The following MAP3K3 variants were observed in gnomAD, a reference collection of about 807,000 sequenced individuals.
MAP3K3 encodes the protein MAP/ERK kinase kinase 3.
Under a neutral mutation model 80.9 loss-of-function variants are expected in MAP3K3, and 12 were observed. That is an observed-to-expected ratio of 0.15 (90% confidence interval 0.10 to 0.24). The LOEUF is 0.24. Among genes scored for constraint, MAP3K3 ranks in the 10% least tolerant of loss-of-function variants. The pLI is 1.00. For missense variants in MAP3K3, 596 were observed against 834.7 expected (o/e 0.71, Z 3.52); for synonymous variants, 272 against 307.1 (o/e 0.89, Z 1.19).
chr17:63,653,849 C>G (rs969099094), intron 4 of MAP3K3, among the ~76,000 whole-genome samples: 1 of 152,034 alleles, frequency 6.6e-6, no homozygotes, highest in Non-Finnish European at 1.5e-5. Context: ...CAACCAACAC[C>G]GCTATCTAAT....
In MAP3K3 at chr17:63,667,030, C is replaced by T. The variant is rs745509910; in HGVS notation, c.472C>T (p.Pro158Ser). 3 of 1,610,596 alleles carry T rather than the reference C, an allele frequency of 1.9e-6. No homozygotes were observed. The highest frequency in any genetic ancestry group is 1.7e-6 in the Non-Finnish European group (2 of 1,179,206). Reference protein sequence around the residue: ...AGDINTIYQPPEPRSRHLSVS... With the variant: ...AGDINTIYQPSEPRSRHLSVS... ...GGATATAAATACTATCTACCAGCCC[C>T]CCGAGCCCAGAAGCAGGCACCTCTC... The change falls in exon 6 of 16, where the codon CCC becomes TCC. Residue 158 changes from proline to serine, a missense_variant. Physicochemically the swap from Pro to Ser is moderately conservative, Grantham distance 74. This residue lies in a region of MAP3K3 where 232 missense variants were observed against 245.8 expected (regional missense o/e 0.94). Coordinates refer to ENST00000361733, the MANE Select transcript of MAP3K3 (RefSeq NM_002401.5).
Position 63,694,355 on chromosome 17 carries a change from A to G in MAP3K3, c.*578A>G, listed in dbSNP as rs2035651350. ...GTCCTTTACCAAAGATGAATGAAGC[A>G]AATGTCATGCTGCCTTATTCAGGGA... On this transcript the variant is annotated 3_prime_UTR_variant, in exon 16 of 16. Coordinates refer to ENST00000361733, the MANE Select transcript of MAP3K3 (RefSeq NM_002401.5). 1 of 152,688 alleles carries G rather than the reference A, an allele frequency of 6.5e-6. No homozygotes were observed. Among genetic ancestry groups the G allele is most frequent in the Non-Finnish European group, 1.5e-5 (1 of 68,078 alleles). The allele number at this position is 152,688 out of a possible 1,614,324, so 9.5% of individuals were successfully genotyped here. A position where few individuals can be genotyped will look rare whatever the true frequency, so the allele number is the denominator to read the frequency against.
At chr17:63,644,878 T>G (rs2034511134) in intron 2 of MAP3K3, among the ~76,000 whole-genome samples, 2 of 152,228 alleles carry the variant, frequency 1.3e-5, no homozygotes, top group Non-Finnish European at 2.9e-5. Context: ...TATGACTTCA[T>G]TCTCTCCTTT....
intron 2 of MAP3K3, among the ~76,000 whole-genome samples, chr17:63,644,034 ATTTT>A (rs2034495397): frequency 2.0e-5 from 3 of 152,114 alleles, no homozygotes; most frequent in Non-Finnish European, 4.4e-5. Flanking sequence ...TAACTCAGTT[ATTTT>A]CTGTAAAATA....
intron 1 of MAP3K3, among the ~76,000 whole-genome samples, chr17:63,623,980 C>T (rs1397921365): frequency 6.6e-6 from 1 of 152,154 alleles, no homozygotes; most frequent in African/African-American, 2.4e-5. Context: ...TACACCCTGG[C>T]TTTGAATGAA....
chr17:63,685,906 G>C (rs2035438822), intron 8 of MAP3K3, among the ~76,000 whole-genome samples: 1 of 152,198 alleles, frequency 6.6e-6, no homozygotes, highest in South Asian at 2.1e-4. Flanking sequence ...AACTGAGAAG[G>C]AGTGGACTGT....
intron 3 of MAP3K3, among the ~76,000 whole-genome samples, 199 bp from the exon 4 acceptor site, chr17:63,652,358 C>T (rs1194662486): frequency 6.6e-6 from 1 of 151,884 alleles, no homozygotes; most frequent in Non-Finnish European, 1.5e-5. Flanking sequence ...GTACTGTTGT[C>T]AAACCTGATA....
rs2035639112 is a variant in MAP3K3, at chr17:63,693,731, C to A, written c.1835C>A (p.Ser612Ter). The A allele has an allele frequency of 6.2e-7, 1 of 1,603,604 alleles. No individual in the cohort carries two copies. Among genetic ancestry groups the A allele is most frequent in the South Asian group, 1.1e-5 (1 of 90,374 alleles). The change falls in exon 16 of 16, where the codon TCA (serine) becomes TAA (stop). Residue 612 changes from serine to a stop codon, truncating the protein, a stop_gained. Coordinates refer to ENST00000361733, the MANE Select transcript of MAP3K3 (RefSeq NM_002401.5). LOFTEE classifies it high-confidence loss of function. The surrounding 1 kb of genome is among the most constrained non-coding windows in gnomAD (Gnocchi z 4.2). The part of the protein sequence containing the change: ...RIFVEARQRP[S>*]AEELLTHHFA... ...TTTGTGGAGGCTCGCCAGAGACCTT[C>A]AGCTGAGGAGCTGCTCACACACCAC...
chr17:63,678,764 T>C (rs1221312876), intron 6 of MAP3K3, among the ~76,000 whole-genome samples: 1 of 152,242 alleles, frequency 6.6e-6, no homozygotes, highest in African/African-American at 2.4e-5. Context: ...GTGCAGTGGC[T>C]GACGCCTGTA....
intron 1 of MAP3K3, among the ~76,000 whole-genome samples, chr17:63,628,073 T>C (rs139588394): frequency 0.013 from 1,957 of 148,418 alleles, 45 homozygotes; most frequent in African/African-American, 0.046. Flanking sequence ...GCCCAGCTAA[T>C]TTTTGTATTT....
intron 1 of MAP3K3, among the ~76,000 whole-genome samples, chr17:63,631,165 T>TA (rs1280349391): frequency 6.6e-6 from 1 of 152,128 alleles, no homozygotes; most frequent in Non-Finnish European, 1.5e-5. Flanking sequence ...TGTGCACCTG[T>TA]AGTCCCAGCT....
chr17:63,662,153 C>G (rs2034905716), intron 5 of MAP3K3, among the ~76,000 whole-genome samples: 1 of 150,426 alleles, frequency 6.6e-6, no homozygotes, highest in Non-Finnish European at 1.5e-5. Context: ...CACCTGTAAT[C>G]TCAGCACTTT....
At position 63,689,963 on chromosome 17, in the gene MAP3K3, G is replaced by T; in HGVS notation, c.1063+228G>T. The T allele has an allele frequency of 1.7e-6, 1 of 585,774 alleles. No individual in the cohort carries two copies. The highest frequency in any genetic ancestry group is 3.0e-6 in the Non-Finnish European group (1 of 332,954). 36.3% of individuals were successfully genotyped at this position (585,774 alleles called of 1,614,324 possible). ...TTTTCCATGTTTAAACTAGGGAAGAGCACACCCTTCATCCCTGCCATATTA... is the reference window on the plus strand; with the variant it reads ...TTTTCCATGTTTAAACTAGGGAAGATCACACCCTTCATCCCTGCCATATTA... On this transcript the variant is annotated intron_variant, in intron 11 of 15. Transcript: ENST00000361733. This position sits in a 1 kb window ranked among gnomAD's most constrained non-coding sequence, Gnocchi z 4.3.
At chr17:63,676,961 T>C (rs1371716665) in intron 6 of MAP3K3, among the ~76,000 whole-genome samples, 1 of 152,226 alleles carries the variant, frequency 6.6e-6, no homozygotes, top group African/African-American at 2.4e-5. Flanking sequence ...TTTTAGCCAG[T>C]TAGCTTCTCA....
intron 6 of MAP3K3, among the ~76,000 whole-genome samples, chr17:63,674,545 C>T (rs548549598): frequency 6.6e-6 from 1 of 152,198 alleles, no homozygotes; most frequent in East Asian, 1.9e-4. Context: ...GATGAGTTCT[C>T]ACTATGTTGC....
In MAP3K3 at chr17:63,684,599, G is replaced by A. The variant is rs551578531; in HGVS notation, c.637-918G>A. 5.9e-5 allele frequency among the ~76,000 whole-genome samples: 9 copies of A among 152,220 alleles called. No individual in the cohort carries two copies. In the South Asian group the frequency reaches 6.2e-4, roughly 11 times the overall value. On this transcript the variant is annotated intron_variant, in intron 7 of 15. Transcript: ENST00000361733. ...GTTGGAAACTAATTTTATGGAGGTC[G>A]TTAGTGAATTTTCATAATTCTGATA...
intron 4 of MAP3K3, among the ~76,000 whole-genome samples, chr17:63,653,184 T>A (rs894182332): frequency 3.9e-5 from 6 of 152,206 alleles, no homozygotes; most frequent in African/African-American, 1.4e-4. Context: ...ACCCCAACGG[T>A]CCTTATTTAC....
intron 11 of MAP3K3, chr17:63,690,027 A>G (rs1325934358): frequency 1.3e-5 from 8 of 595,868 alleles, no homozygotes; most frequent in African/African-American, 3.7e-5. Context: ...CATTTGATCA[A>G]TGCAGAAGAG....
chr17:63,661,433 T>A (rs78074380), intron 5 of MAP3K3, among the ~76,000 whole-genome samples: 2,753 of 152,346 alleles, frequency 0.018, 80 homozygotes, highest in African/African-American at 0.063. Context: ...TAGTTTTTGC[T>A]GTCCTAAGCC....
Sources: allele counts gnomAD v4.1 joint callset (sites outside exome capture counted in the v4.1 genomes callset), GRCh38; gene constraint gnomAD v4.1.1; regional missense constraint gnomAD v4.1.1; non-coding constraint Gnocchi (gnomAD v3.1); transcripts MANE v1.5; gene names NCBI Gene and HGNC (gene_info 2026-07-23, HGNC 2026-07-21).